Variants in MGAT4C observed in about 807,000 individuals in gnomAD.
MGAT4C encodes the protein MGAT4 family member C.
In MGAT4C, 19 loss-of-function variants were observed where a neutral mutation model predicts 40.1. That is an observed-to-expected ratio of 0.47 (90% CI 0.33 to 0.70). The LOEUF is 0.70. Among genes scored for constraint, MGAT4C ranks in the 30% least tolerant of loss-of-function variants. The pLI is 0.02. For missense variants in MGAT4C, 491 were observed against 563.2 expected, an observed-to-expected ratio of 0.87 and a Z score of 1.30; for synonymous variants, 181 against 187.1, an observed-to-expected ratio of 0.97 and a Z score of 0.27.
chr12:86,651,929 G>T (rs556540125), intron 2 of MGAT4C, among the ~76,000 whole-genome samples: 16 of 151,930 alleles, frequency 1.1e-4, no homozygotes, highest in South Asian at 6.2e-4. Context: ...ACAAGATATT[G>T]TCTATTTGAG....
chr12:86,257,539 A>AAAGT (rs1227685163), upstream of MGAT4C, among the ~76,000 whole-genome samples: 3 of 152,236 alleles, frequency 2.0e-5, no homozygotes, highest in East Asian at 3.8e-4. Context: ...TAGGGAAAGG[A>AAAGT]AAGTCACCAA....
At chr12:86,230,510 C>G (rs1951271108) in intron 1 of MGAT4C, among the ~76,000 whole-genome samples, 1 of 152,120 alleles carries the variant, frequency 6.6e-6, no homozygotes, top group South Asian at 2.1e-4. Flanking sequence ...TTTGTGTAAA[C>G]AAATTTCAGT....
At position 86,289,969 on chromosome 12, in the gene MGAT4C, T is replaced by C. The variant is rs145482182; in HGVS notation, c.-57+44096A>G. ...TGTAGGTTAGCATCCATGCTTTCTT[T>C]TTTCCTTAAAAAGAGACATCATAGG... On this transcript the variant is annotated intron_variant, in intron 4 of 7. Transcript: ENST00000548651. Among the ~76,000 whole-genome samples, 926 of 152,292 alleles carry C rather than the reference T, an allele frequency of 6.1e-3. 6 individuals carry two copies. The highest frequency in any genetic ancestry group is 0.022 in the African/African-American group (895 of 41,558).
chr12:86,057,470 A>G (rs931421790), intron 1 of MGAT4C, among the ~76,000 whole-genome samples: 12 of 152,170 alleles, frequency 7.9e-5, no homozygotes, highest in African/African-American at 2.7e-4. Flanking sequence ...TCCTGCAACT[A>G]CACTGAACTA....
intron 2 of MGAT4C, among the ~76,000 whole-genome samples, chr12:86,479,095 T>C (rs944132707): frequency 1.1e-4 from 16 of 152,112 alleles, no homozygotes; most frequent in South Asian, 4.1e-4. Context: ...TCTTAAAAAA[T>C]CAAATTCTAT....
chr12:86,175,228 G>A (rs1320863340), intron 1 of MGAT4C, among the ~76,000 whole-genome samples: 1 of 152,104 alleles, frequency 6.6e-6, no homozygotes, highest in Non-Finnish European at 1.5e-5. Flanking sequence ...GATGATATAT[G>A]CAAATAGTAC....
chr12:86,357,560 C>A, intron 3 of MGAT4C, among the ~76,000 whole-genome samples: 1 of 151,938 alleles, frequency 6.6e-6, no homozygotes, highest in East Asian at 1.9e-4. Flanking sequence ...AAACCCATCG[C>A]AAAGAAGCTA....
chr12:86,475,167 C>G (rs1215569466), intron 2 of MGAT4C, among the ~76,000 whole-genome samples: 5 of 151,956 alleles, frequency 3.3e-5, no homozygotes, highest in Admixed American at 3.3e-4. Context: ...TTCTCAAACT[C>G]TTTAAAACTT....
Position 86,273,030 on chromosome 12 carries a change from GA to G in MGAT4C, c.-57+61034del, listed in dbSNP as rs907437044. On this transcript the variant is annotated intron_variant, in intron 4 of 7. Coordinates refer to the MGAT4C transcript ENST00000548651. ...AATTATTTCCTGTTTTCTTAGAACA[GA>G]AAAAAAATAGGAGACTTTTTGGAGT... 6.6e-5 allele frequency among the ~76,000 whole-genome samples: 10 copies of G among 151,740 alleles called. No individual in the cohort carries two copies. The South Asian group carries it at 1.5e-3, about 22-fold the overall frequency.
intron 2 of MGAT4C, among the ~76,000 whole-genome samples, chr12:86,637,429 C>G (rs974513585): frequency 2.6e-5 from 4 of 151,710 alleles, no homozygotes; most frequent in Admixed American, 6.6e-5. Flanking sequence ...GAGTGAATAC[C>G]CAGGATTATT....
intron 1 of MGAT4C, among the ~76,000 whole-genome samples, chr12:86,095,118 A>G (rs964016701): frequency 1.3e-5 from 2 of 152,174 alleles, no homozygotes; most frequent in African/African-American, 4.8e-5. Context: ...TAAATGATGT[A>G]TGTTTAAGTT....
intron 2 of MGAT4C, among the ~76,000 whole-genome samples, chr12:86,688,558 C>T (rs1178170898): frequency 1.3e-5 from 2 of 152,140 alleles, no homozygotes; most frequent in East Asian, 1.9e-4. Flanking sequence ...CAAAATCCCT[C>T]AGCAGTTGCT....
intron 1 of MGAT4C, among the ~76,000 whole-genome samples, chr12:86,248,181 A>G (rs1952113429): frequency 6.6e-6 from 1 of 150,594 alleles, no homozygotes; most frequent in African/African-American, 2.4e-5. Context: ...ACACAAAGAA[A>G]GAACCTAGTT....
At chr12:86,740,115 C>G (rs1157119766) in intron 1 of MGAT4C, among the ~76,000 whole-genome samples, 2 of 150,916 alleles carry the variant, frequency 1.3e-5, no homozygotes, top group Non-Finnish European at 3.0e-5. Flanking sequence ...TAGCAAGAAC[C>G]CTTCATTATT....
chr12:86,821,379 T>A (rs774727217), intron 1 of MGAT4C, among the ~76,000 whole-genome samples: 1 of 151,002 alleles, frequency 6.6e-6, no homozygotes, highest in East Asian at 1.9e-4. Context: ...TATGGATGCA[T>A]AATTTTGCAT....
chr12:86,789,205 C>A (rs1464989070), intron 1 of MGAT4C, among the ~76,000 whole-genome samples: 1 of 152,088 alleles, frequency 6.6e-6, no homozygotes, highest in Non-Finnish European at 1.5e-5. Context: ...CTAATAATAG[C>A]TGAAATGTAT....
At chr12:86,093,428 C>T (rs1420428942) in intron 1 of MGAT4C, among the ~76,000 whole-genome samples, 3 of 152,038 alleles carry the variant, frequency 2.0e-5, no homozygotes, top group African/African-American at 7.2e-5. Flanking sequence ...TATTCATAGC[C>T]CTTAAAAGGC....
chr12:86,255,090 A>G (rs532763198), intron 1 of MGAT4C, among the ~76,000 whole-genome samples: 20 of 152,258 alleles, frequency 1.3e-4, no homozygotes, highest in Admixed American at 7.2e-4. Context: ...AAATAAATCT[A>G]AAAAGCATAA....
intron 1 of MGAT4C, among the ~76,000 whole-genome samples, chr12:86,116,055 A>T (rs929136942): frequency 6.6e-6 from 1 of 152,086 alleles, no homozygotes; most frequent in African/African-American, 2.4e-5. Context: ...AAGTAAGAAC[A>T]TCCCCGAGAA....
Sources: gnomAD v4.1 joint callset for allele counts (sites outside exome capture counted in the v4.1 genomes callset) on GRCh38, gnomAD v4.1.1 for gene constraint, MANE v1.5 for transcripts, NCBI Gene and HGNC (gene_info 2026-07-23, HGNC 2026-07-21) for gene names.